The following GNAI2 variants were observed in gnomAD, a reference collection of about 807,000 sequenced individuals.
The protein encoded by GNAI2 is G protein subunit alpha i2, also known as guanine nucleotide-binding protein G(i) subunit alpha-2.
A neutral mutation model predicts 36.8 loss-of-function variants in GNAI2; 4 were observed. The observed-to-expected ratio is 0.11, with a 90% CI of 0.05 to 0.25. The LOEUF is 0.25. Ranked by LOEUF, GNAI2 falls within the 10% of genes least tolerant of loss-of-function variation. The probability of loss-of-function intolerance (pLI) is 1.00; values close to 1 mark genes in which losing one functional copy is unlikely to be tolerated. For missense variants in GNAI2, 230 were observed against 481.3 expected, an observed-to-expected ratio of 0.48 and a Z score of 4.89; for synonymous variants, 194 against 194.1, an observed-to-expected ratio of 1.00 and a Z score of 0.01.
chr3:50,236,603 T>C lies in GNAI2; in HGVS notation c.118+150T>C, dbSNP rs587732881. ...CAGGACCAGGGTTGAAAACTCTAGA[T>C]TGGACTAGACCTTTGATCCTGCCCA... On this transcript the variant is annotated intron_variant, in intron 1 of 8. Coordinates refer to ENST00000313601, the MANE Select transcript of GNAI2 (RefSeq NM_002070.4). The surrounding 1 kb of genome is among the most constrained non-coding windows in gnomAD (Gnocchi z 4.0). 33 of 1,121,704 alleles carry C rather than the reference T, an allele frequency of 2.9e-5. No homozygotes were observed. The highest frequency in any genetic ancestry group is 2.9e-4 in the Middle Eastern group (1 of 3,452). The allele number at this position is 1,121,704 out of a possible 1,614,324, so 69.5% of individuals were successfully genotyped here.
intron 1 of GNAI2, chr3:50,247,135 T>G (rs1700444450): frequency 1.4e-6 from 1 of 702,870 alleles, no homozygotes; most frequent in Non-Finnish European, 2.6e-6. Flanking sequence ...TTTACCTGAA[T>G]GCTCACATGT....
At chr3:50,246,807 TG>T in intron 1 of GNAI2, 1 of 903,798 alleles carries the variant, frequency 1.1e-6, no homozygotes, top group Non-Finnish European at 1.6e-6. Context: ...GTGAGGCTCC[TG>T]GGCAGGAAGG....
chr3:50,244,139 C>T (rs1700361847), intron 1 of GNAI2, among the ~76,000 whole-genome samples: 1 of 151,098 alleles, frequency 6.6e-6, no homozygotes, highest in African/African-American at 2.5e-5. Context: ...AGCGATTCTC[C>T]TGCCTCAGCC....
intron 1 of GNAI2, among the ~76,000 whole-genome samples, chr3:50,237,773 TGGGGG>T (rs1190034754): frequency 9.0e-6 from 1 of 111,098 alleles, no homozygotes; most frequent in Non-Finnish European, 1.9e-5. Flanking sequence ...GTTTTAGAGT[TGGGGG>T]GAGGGAGGCC....
At position 50,255,396 on chromosome 3, in the gene GNAI2, C is replaced by T. The variant is rs587730403; in HGVS notation, c.465-796C>T. On this transcript the variant is annotated intron_variant, in intron 4 of 8. Transcript: ENST00000313601. This position sits in a 1 kb window ranked among gnomAD's most constrained non-coding sequence, Gnocchi z 4.0. ...CCCTCCCCCTGAGGAACCCAGATTT[C>T]ATTGGGCGCTGGGCAAAGAGCCCAC... is the stretch of plus-strand genomic sequence containing the variant. 1.3e-5 allele frequency among the ~76,000 whole-genome samples: 2 copies of T among 152,360 alleles called. No homozygotes were observed. Among genetic ancestry groups the T allele is most frequent in the Admixed American group, 6.5e-5 (1 of 15,314 alleles).
At chr3:50,230,940 G>T in exon 1 of GNAI2, 1 of 985,376 alleles carries the variant, frequency 1.0e-6, no homozygotes, top group Non-Finnish European at 1.2e-6. Context: ...CCTCACTGAT[G>T]ACTGTGACTG....
At chr3:50,251,494 G>C in intron 1 of GNAI2, 1 of 1,117,150 alleles carries the variant, frequency 9.0e-7, no homozygotes, top group Non-Finnish European at 1.1e-6. Context: ...GTGTTACACT[G>C]TAGGTCTCCT....
upstream of GNAI2, among the ~76,000 whole-genome samples, chr3:50,235,763 T>C (rs1376602987): frequency 6.6e-6 from 1 of 152,156 alleles, no homozygotes; most frequent in East Asian, 1.9e-4. Flanking sequence ...CTTTAACAAA[T>C]GACAAAGACA....
At chr3:50,256,350 G>T (rs1164583334) in intron 5 of GNAI2, 30 bp downstream of exon 5, 1 of 1,607,702 alleles carries the variant, frequency 6.2e-7, no homozygotes, top group African/African-American at 1.3e-5. Flanking sequence ...GGTGGGAGGG[G>T]CAGGACCTGC....
chr3:50,234,883 A>C (rs1389289620), upstream of GNAI2, among the ~76,000 whole-genome samples: 1 of 152,124 alleles, frequency 6.6e-6, no homozygotes, highest in African/African-American at 2.4e-5. Context: ...AAAGACTTGA[A>C]ATGTTCAGCT....
upstream of GNAI2, among the ~76,000 whole-genome samples, chr3:50,228,146 C>T (rs1375696756): frequency 1.3e-5 from 2 of 152,262 alleles, no homozygotes; most frequent in Admixed American, 6.5e-5. Flanking sequence ...GCCCTGTCTC[C>T]ACAGGCTTCA....
Position 50,253,282 on chromosome 3 carries a change from G to T in GNAI2, c.464+98G>T. The T allele has an allele frequency of 1.2e-6, 1 of 865,612 alleles. No individual in the cohort carries two copies. Among genetic ancestry groups the T allele is most frequent in the Non-Finnish European group, 1.7e-6 (1 of 591,748 alleles). 53.6% of individuals were successfully genotyped at this position (865,612 alleles called of 1,614,324 possible). On this transcript the variant is annotated intron_variant, in intron 4 of 8. Coordinates refer to ENST00000313601, the MANE Select transcript of GNAI2 (RefSeq NM_002070.4). The surrounding 1 kb of genome is among the most constrained non-coding windows in gnomAD (Gnocchi z 4.2). ...GAGAACCCCCAGAAGGACACTGCTG[G>T]TCTTTGCTTATGAAACCGATGACTG...
intron 1 of GNAI2, among the ~76,000 whole-genome samples, chr3:50,249,283 C>T (rs1700493108): frequency 6.6e-6 from 1 of 152,206 alleles, no homozygotes; most frequent in Non-Finnish European, 1.5e-5. Context: ...TCTGGAGGAG[C>T]CAGTGGGGAA....
chr3:50,240,440 A>G (rs1700274438), intron 1 of GNAI2, among the ~76,000 whole-genome samples: 1 of 152,170 alleles, frequency 6.6e-6, no homozygotes. Flanking sequence ...TCCCTGGACC[A>G]GCCCATGGGG....
In GNAI2 at chr3:50,253,602, G is replaced by T. The variant is rs1351516643; in HGVS notation, c.464+418G>T. Among the ~76,000 whole-genome samples the T allele has an allele frequency of 6.6e-6, 1 of 152,160 alleles. No individual in the cohort carries two copies. Among genetic ancestry groups the T allele is most frequent in the Non-Finnish European group, 1.5e-5 (1 of 68,024 alleles). ...TACTAAAAATACAAAAAATTAGCCG[G>T]GCGTGGTGGAGGGCGCCTGTAGTCC... is the stretch of plus-strand genomic sequence containing the variant. On this transcript the variant is annotated intron_variant, in intron 4 of 8. Transcript: ENST00000313601. This position sits in a 1 kb window ranked among gnomAD's most constrained non-coding sequence, Gnocchi z 4.2.
At chr3:50,246,889 GAGCCAGT>G in intron 1 of GNAI2, 1 of 1,435,368 alleles carries the variant, frequency 7.0e-7, no homozygotes, top group Non-Finnish European at 9.1e-7. Context: ...GCCAACAGAG[GAGCCAGT>G]AGCTCTGACT....
In GNAI2 at chr3:50,238,586, G is replaced by C. The variant is rs77594956; in HGVS notation, c.118+2133G>C. ...GGTTTTGGCCAAAGGAGTGCCCCAG[G>C]TCAGGATGGGGAGGGAGAACAAGAG... On this transcript the variant is annotated intron_variant, in intron 1 of 8. Coordinates refer to ENST00000313601, the MANE Select transcript of GNAI2 (RefSeq NM_002070.4). The surrounding 1 kb of genome is among the most constrained non-coding windows in gnomAD (Gnocchi z 5.0). Among the ~76,000 whole-genome samples, 2,377 of 152,326 alleles carry C rather than the reference G, an allele frequency of 0.016. 67 individuals are homozygous for C. Among genetic ancestry groups the C allele is most frequent in the African/African-American group, 0.054 (2,257 of 41,574 alleles).
At chr3:50,244,034 T>G (rs2109194167) in intron 1 of GNAI2, among the ~76,000 whole-genome samples, 1 of 149,060 alleles carries the variant, frequency 6.7e-6, no homozygotes, top group Non-Finnish European at 1.5e-5. Flanking sequence ...CCTTTTTTTT[T>G]TTTTTTTTTT....
chr3:50,248,369 G>T (rs1156489019), intron 1 of GNAI2, among the ~76,000 whole-genome samples: 1 of 152,206 alleles, frequency 6.6e-6, no homozygotes, highest in Non-Finnish European at 1.5e-5. Context: ...GCATCCCTCA[G>T]GTCCTGATGG....
Sources: allele counts gnomAD v4.1 joint callset (sites outside exome capture counted in the v4.1 genomes callset), GRCh38; gene constraint gnomAD v4.1.1; non-coding constraint Gnocchi (gnomAD v3.1); transcripts MANE v1.5; gene names NCBI Gene and HGNC (gene_info 2026-07-23, HGNC 2026-07-21).